The following AGAP1 variants were observed in gnomAD, a reference collection of about 807,000 sequenced individuals.
AGAP1 encodes arf-GAP with GTPase, ANK repeat and PH domain-containing protein 1.
Under a neutral mutation model 105.3 loss-of-function variants are expected in AGAP1, and 29 were observed. The observed-to-expected ratio is 0.28, with a 90% CI of 0.21 to 0.38. The LOEUF (loss-of-function observed/expected upper bound fraction) is 0.38, where lower values mean the gene tolerates loss of function less well. Ranked by LOEUF, AGAP1 falls within the 10% of genes least tolerant of loss-of-function variation. The pLI is 1.00. For missense variants in AGAP1, 998 were observed against 1,165.1 expected (o/e 0.86, Z 2.09); for synonymous variants, 509 against 485.9 (o/e 1.05, Z -0.63).
At chr2:235,974,088 C>T (rs1479480346) in intron 13 of AGAP1, among the ~76,000 whole-genome samples, 1 of 152,214 alleles carries the variant, frequency 6.6e-6, no homozygotes. Context: ...AGTTTTATAA[C>T]ATTCATGCAA....
chr2:236,110,311 A>G (rs1337927302), intron 16 of AGAP1, among the ~76,000 whole-genome samples: 1 of 151,928 alleles, frequency 6.6e-6, no homozygotes, highest in East Asian at 1.9e-4. Flanking sequence ...ACCTGGGCAA[A>G]CTGGTGAACC....
Position 236,072,125 on chromosome 2 carries a change from G to GTTTT in AGAP1, c.2114+22864_2114+22867dup, listed in dbSNP as rs11342740. On this transcript the variant is annotated intron_variant, in intron 16 of 17. Transcript: ENST00000304032. ...TCTCCAAAAGTAGTCTTCGTTGTGG[G>GTTTT]TTTTTTTTTTTTTTTTTTTTTTTAG... 8.0e-5 allele frequency among the ~76,000 whole-genome samples: 9 copies of GTTTT among 111,950 alleles called. 1 individual carries two copies. The highest frequency in any genetic ancestry group is 1.9e-4 in the African/African-American group (6 of 31,714). The allele number at this position is 111,950 out of a possible 152,430, so 73.4% of individuals were successfully genotyped here.
chr2:235,895,750 A>ATGGATGG (rs1403050664), intron 10 of AGAP1, among the ~76,000 whole-genome samples: 1,474 of 83,022 alleles, frequency 0.018, 20 homozygotes, highest in Middle Eastern at 0.032. Context: ...TGGATGGATG[A>ATGGATGG]ATGGAGGCAC....
chr2:235,770,782 T>A (rs1955381982), intron 6 of AGAP1, among the ~76,000 whole-genome samples: 1 of 152,152 alleles, frequency 6.6e-6, no homozygotes, highest in African/African-American at 2.4e-5. Context: ...CAGATTCCAA[T>A]GCTTCAGGAA....
Position 235,930,834 on chromosome 2 carries a change from C to T in AGAP1, c.1394C>T (p.Pro465Leu), listed in dbSNP as rs947032758. 2 of 1,614,006 alleles carry T rather than the reference C, an allele frequency of 1.2e-6. No homozygotes were observed. The highest frequency in any genetic ancestry group is 8.5e-7 in the Non-Finnish European group (1 of 1,180,032). Reference protein sequence around the residue: ...GISLVSFNSRPDGMHQRSYSV... With the variant: ...GISLVSFNSRLDGMHQRSYSV... Reference sequence around the variant, plus strand: ...AGCCTGGTCTCCTTCAACAGCCGACCCGACGGCATGCACCAGCGCTCCTAC... The same window carrying T: ...AGCCTGGTCTCCTTCAACAGCCGACTCGACGGCATGCACCAGCGCTCCTAC... The change falls in exon 12 of 18, where the codon CCC becomes CTC. Residue 465 changes from proline to leucine, a missense_variant. By Grantham distance (98) the Pro-to-Leu change is moderately conservative. This residue lies in a region of AGAP1 where 735 missense variants were observed against 833.4 expected (regional missense o/e 0.88). Coordinates refer to ENST00000304032, the MANE Select transcript of AGAP1 (RefSeq NM_001037131.3). This position sits in a 1 kb window ranked among gnomAD's most constrained non-coding sequence, Gnocchi z 7.9.
In AGAP1 at chr2:235,846,813, G is replaced by A. The variant is rs924405393; in HGVS notation, c.1051-36532G>A. On this transcript the variant is annotated intron_variant, in intron 9 of 17. Coordinates refer to ENST00000304032, the MANE Select transcript of AGAP1 (RefSeq NM_001037131.3). ...CACCATGCCTGGCTTTTTTTGTAGA[G>A]AACAGGGTCTCACTATGTGTCCCAG... is the stretch of plus-strand genomic sequence containing the variant. Among the ~76,000 whole-genome samples the A allele has an allele frequency of 2.0e-5, 3 of 152,022 alleles. No homozygotes were observed. In the East Asian group the frequency reaches 5.8e-4, roughly 29 times the overall value.
chr2:235,499,214 G>A (rs1238239208), intron 1 of AGAP1, among the ~76,000 whole-genome samples: 1 of 152,182 alleles, frequency 6.6e-6, no homozygotes, highest in Non-Finnish European at 1.5e-5. Flanking sequence ...CCCATAGGCC[G>A]TGTGTGCAAA....
intron 1 of AGAP1, among the ~76,000 whole-genome samples, chr2:235,507,854 T>G (rs1021655345): frequency 6.6e-6 from 1 of 152,172 alleles, no homozygotes; most frequent in African/African-American, 2.4e-5. Flanking sequence ...AGGTGTGTTA[T>G]ATAGGTAAGT....
intron 10 of AGAP1, among the ~76,000 whole-genome samples, chr2:235,895,183 A>T (rs79331473): frequency 5.9e-5 from 9 of 152,328 alleles, no homozygotes; most frequent in African/African-American, 2.2e-4. Context: ...TATGAAGAAT[A>T]GCGGTTACTC....
chr2:235,513,269 C>G (rs1036621298), intron 1 of AGAP1, among the ~76,000 whole-genome samples: 2 of 133,376 alleles, frequency 1.5e-5, no homozygotes, highest in East Asian at 2.2e-4. Context: ...GCCTGTAATC[C>G]CAACACTTTG....
chr2:235,825,431 T>A (rs868052789), intron 9 of AGAP1, among the ~76,000 whole-genome samples: 1 of 152,224 alleles, frequency 6.6e-6, no homozygotes, highest in South Asian at 2.1e-4. Flanking sequence ...TTTTGAAAAC[T>A]ATTATTATTC....
At position 235,584,442 on chromosome 2, in the gene AGAP1, C is replaced by T. The variant is rs112356821; in HGVS notation, c.163+89593C>T. ...GGCCATACTTGGAGATGGTCTTTGGCTGATGTAATTAGTTAAGATGAGGTC... is the reference window on the plus strand; with the variant it reads ...GGCCATACTTGGAGATGGTCTTTGGTTGATGTAATTAGTTAAGATGAGGTC... On this transcript the variant is annotated intron_variant, in intron 1 of 17. Transcript: ENST00000304032. Among the ~76,000 whole-genome samples the T allele has an allele frequency of 3.4e-5, 5 of 148,076 alleles. 1 individual carries two copies. Among genetic ancestry groups the T allele is most frequent in the African/African-American group, 1.3e-4 (5 of 39,920 alleles).
At chr2:235,921,522 A>G (rs2052182392) in intron 11 of AGAP1, among the ~76,000 whole-genome samples, 1 of 152,214 alleles carries the variant, frequency 6.6e-6, no homozygotes, top group Non-Finnish European at 1.5e-5. Context: ...ACAGGGAGAA[A>G]GCAGCATACA....
intron 9 of AGAP1, among the ~76,000 whole-genome samples, chr2:235,813,774 G>C (rs966961591): frequency 2.0e-5 from 3 of 152,358 alleles, no homozygotes; most frequent in East Asian, 1.9e-4. Context: ...TGTATCCCAG[G>C]GTTCTTGCCT....
At position 235,930,833 on chromosome 2, in the gene AGAP1, C is replaced by A. The variant is rs201608946; in HGVS notation, c.1393C>A (p.Pro465Thr). The A allele has an allele frequency of 6.2e-7, 1 of 1,614,136 alleles. No individual in the cohort carries two copies. Among genetic ancestry groups the A allele is most frequent in the East Asian group, 2.2e-5 (1 of 44,864 alleles). The change falls in exon 12 of 18, where the codon CCC becomes ACC. Residue 465 changes from proline (P) to threonine (T), a missense_variant. Physicochemically the swap from Pro to Thr is conservative, Grantham distance 38. Coordinates refer to ENST00000304032, the MANE Select transcript of AGAP1 (RefSeq NM_001037131.3). The surrounding 1 kb of genome is among the most constrained non-coding windows in gnomAD (Gnocchi z 7.9). ...GISLVSFNSR[P>T]DGMHQRSYSV... ...CAGCCTGGTCTCCTTCAACAGCCGA[C>A]CCGACGGCATGCACCAGCGCTCCTA...
intron 1 of AGAP1, among the ~76,000 whole-genome samples, chr2:235,695,380 C>T (rs899148357): frequency 1.3e-5 from 2 of 152,310 alleles, no homozygotes; most frequent in Non-Finnish European, 2.9e-5. Context: ...AGGCAATCCC[C>T]TACCCCCGTC....
In AGAP1 at chr2:236,073,627, T is replaced by C. The variant is rs985002487; in HGVS notation, c.2114+24346T>C. On this transcript the variant is annotated intron_variant, in intron 16 of 17. Transcript: ENST00000304032. This position sits in a 1 kb window ranked among gnomAD's most constrained non-coding sequence, Gnocchi z 5.4. ...ATAGAAGATAATTTATAAATACCTA[T>C]AACATAACCTGAGAATGGCGATTAA... is the stretch of plus-strand genomic sequence containing the variant. Among the ~76,000 whole-genome samples, 2 of 152,118 alleles carry C rather than the reference T, an allele frequency of 1.3e-5. No homozygotes were observed. Among genetic ancestry groups the C allele is most frequent in the African/African-American group, 4.8e-5 (2 of 41,414 alleles).
intron 12 of AGAP1, among the ~76,000 whole-genome samples, chr2:235,932,770 C>T (rs1024892656): frequency 3.3e-5 from 5 of 152,328 alleles, no homozygotes; most frequent in Admixed American, 6.5e-5. Flanking sequence ...TTGAGCTGTA[C>T]GTATGTGCAG....
chr2:235,697,428 C>G (rs1295342068), intron 1 of AGAP1, among the ~76,000 whole-genome samples: 1 of 152,214 alleles, frequency 6.6e-6, no homozygotes, highest in African/African-American at 2.4e-5. Flanking sequence ...GCCCCCACTT[C>G]CCCCTGCAAT....
Sources: allele counts gnomAD v4.1 joint callset (sites outside exome capture counted in the v4.1 genomes callset), GRCh38; gene constraint gnomAD v4.1.1; regional missense constraint gnomAD v4.1.1; non-coding constraint Gnocchi (gnomAD v3.1); transcripts MANE v1.5; gene names NCBI Gene and HGNC (gene_info 2026-07-23, HGNC 2026-07-21).